The following COL24A1 variants were observed in gnomAD, a reference collection of about 807,000 sequenced individuals.
COL24A1 encodes collagen alpha-1(XXIV) chain.
In COL24A1, 224 loss-of-function variants were observed where a neutral mutation model predicts 253.9. The ratio of observed to expected loss-of-function variants is 0.88; its 90% CI spans 0.79 to 0.99. COL24A1 has a LOEUF of 0.99. Ranked by LOEUF, COL24A1 falls within the 50% of genes least tolerant of loss-of-function variation. The pLI is 0.00. For synonymous variants in COL24A1, 685 were observed against 673.7 expected (o/e 1.02, Z -0.26); for missense variants, 2,131 against 2,068.5 (o/e 1.03, Z -0.59).
intron 56 of COL24A1, among the ~76,000 whole-genome samples, chr1:85,745,168 C>G (rs1665074401): frequency 1.3e-5 from 2 of 152,012 alleles, no homozygotes; most frequent in South Asian, 4.1e-4. Context: ...TGGCTAACCT[C>G]ATTTAACTAC....
In COL24A1 at chr1:85,786,474, G is replaced by C; in HGVS notation, c.3952-13C>G. The stretch of plus-strand genomic sequence containing the variant: ...CGCCTCTGATGCCCTAAATAACACA[G>C]ATAAGAAATGAAAACTGGGAAAGTT... On this transcript the variant is annotated splice_polypyrimidine_tract_variant and intron_variant, in intron 47 of 59. Transcript: ENST00000370571. 2 of 1,599,612 alleles carry C rather than the reference G, an allele frequency of 1.3e-6. No individual in the cohort carries two copies. Among genetic ancestry groups the C allele is most frequent in the African/African-American group, 2.7e-5 (2 of 74,230 alleles).
At chr1:86,153,201 C>T (rs573282989) in intron 1 of COL24A1, among the ~76,000 whole-genome samples, 10 of 152,120 alleles carry the variant, frequency 6.6e-5, no homozygotes, top group African/African-American at 2.4e-4. Flanking sequence ...CAGTATTATC[C>T]TTTCCTCCCC....
At position 86,125,942 on chromosome 1, in the gene COL24A1, G is replaced by A. The variant is rs754211880; in HGVS notation, c.394C>T (p.Gln132Ter). 6 of 1,613,334 alleles carry A rather than the reference G, an allele frequency of 3.7e-6. No homozygotes were observed. Among genetic ancestry groups the A allele is most frequent in the Admixed American group, 1.7e-5 (1 of 59,824 alleles). The change falls in exon 3 of 60, where the codon CAA (glutamine) becomes TAA (stop). Residue 132 changes from glutamine (Q) to a stop codon, truncating the protein, a stop_gained. Coordinates refer to ENST00000370571, the MANE Select transcript of COL24A1 (RefSeq NM_152890.7). LOFTEE classifies it high-confidence loss of function. ...TTAGGTAGTAATTGTACTCCTAATT[G>A]CAGTCTATTTTTATTTCTAATGCTG... ...LFSIRNKNRL[Q>*]LGVQLLPKKL...
At chr1:85,942,193 G>A (rs1237437160) in intron 24 of COL24A1, among the ~76,000 whole-genome samples, 1 of 152,052 alleles carries the variant, frequency 6.6e-6, no homozygotes, top group Non-Finnish European at 1.5e-5. Context: ...ATGGTTTTTT[G>A]AAATACCATT....
intron 43 of COL24A1, among the ~76,000 whole-genome samples, chr1:85,824,539 T>A (rs1674008108): frequency 6.6e-6 from 1 of 152,116 alleles, no homozygotes; most frequent in African/African-American, 2.4e-5. Context: ...GGACGGTAGA[T>A]TTACTGGGCT....
chr1:86,097,112 A>G (rs1370011384), intron 5 of COL24A1, among the ~76,000 whole-genome samples: 1 of 151,924 alleles, frequency 6.6e-6, no homozygotes, highest in East Asian at 1.9e-4. Flanking sequence ...GATAATTTCC[A>G]TTACAGTAAA....
chr1:86,036,820 A>G (rs1390367784), intron 12 of COL24A1, among the ~76,000 whole-genome samples: 1 of 152,170 alleles, frequency 6.6e-6, no homozygotes, highest in Non-Finnish European at 1.5e-5. Flanking sequence ...GAAGAATGAA[A>G]TATTTTGTTA....
At chr1:86,027,901 C>T (rs963254795) in intron 14 of COL24A1, among the ~76,000 whole-genome samples, 4 of 152,128 alleles carry the variant, frequency 2.6e-5, no homozygotes, top group Admixed American at 2.6e-4. Flanking sequence ...GTGGTGCTGC[C>T]CAAGGCTGTG....
At chr1:85,821,214 C>T (rs1227335489) in intron 45 of COL24A1, among the ~76,000 whole-genome samples, 1 of 152,120 alleles carries the variant, frequency 6.6e-6, no homozygotes, top group Non-Finnish European at 1.5e-5. Flanking sequence ...TTGGTTTTGA[C>T]TTGCTCTAAA....
intron 47 of COL24A1, among the ~76,000 whole-genome samples, chr1:85,792,744 CA>C (rs890278166): frequency 6.6e-6 from 1 of 151,216 alleles, no homozygotes; most frequent in Non-Finnish European, 1.5e-5. Flanking sequence ...AAAAGAAAAA[CA>C]AAAAACGAAA....
intron 31 of COL24A1, among the ~76,000 whole-genome samples, chr1:85,892,498 A>T (rs1683234195): frequency 6.6e-6 from 1 of 152,090 alleles, no homozygotes. Context: ...GGAAAATGAC[A>T]CCATTTGGAA....
At chr1:85,915,638 A>C in intron 24 of COL24A1, among the ~76,000 whole-genome samples, 1 of 152,254 alleles carries the variant, frequency 6.6e-6, no homozygotes, top group Middle Eastern at 3.4e-3. Flanking sequence ...GACTAGTCAA[A>C]CTATTCGGAA....
At chr1:86,041,801 G>A (rs1699509809) in intron 12 of COL24A1, among the ~76,000 whole-genome samples, 2 of 152,140 alleles carry the variant, frequency 1.3e-5, no homozygotes, top group Non-Finnish European at 2.9e-5. Context: ...GTAGTTCTAT[G>A]GTGTTTAAAG....
rs1177240157 is a variant in COL24A1, at chr1:85,944,345, A to T, written c.2562+16904T>A. 2.6e-5 allele frequency among the ~76,000 whole-genome samples: 4 copies of T among 152,204 alleles called. No homozygotes were observed. The South Asian group carries it at 6.2e-4, about 24-fold the overall frequency. ...CTGTCACTAGAATATTTGAGTGTTT[A>T]TGCTTGCAAAAATATGTATGTTATC... is the stretch of plus-strand genomic sequence containing the variant. On this transcript the variant is annotated intron_variant, in intron 24 of 59. Coordinates refer to ENST00000370571, the MANE Select transcript of COL24A1 (RefSeq NM_152890.7).
chr1:86,027,530 A>G (rs112080236), intron 14 of COL24A1, among the ~76,000 whole-genome samples: 13,215 of 152,250 alleles, frequency 0.087, 704 homozygotes, highest in Middle Eastern at 0.19. Flanking sequence ...CTACTTACAC[A>G]TGGTGTTGAG....
At chr1:85,805,000 C>G (rs1221187855) in intron 47 of COL24A1, among the ~76,000 whole-genome samples, 1 of 152,050 alleles carries the variant, frequency 6.6e-6, no homozygotes, top group Admixed American at 6.5e-5. Flanking sequence ...GCTACAACAC[C>G]CAGACAATTT....
intron 22 of COL24A1, among the ~76,000 whole-genome samples, chr1:85,969,211 T>A (rs1691872191): frequency 6.6e-6 from 1 of 152,124 alleles, no homozygotes; most frequent in South Asian, 2.1e-4. Context: ...AAATGAAAAC[T>A]CTTTTTTTTC....
chr1:85,908,478 T>C, intron 27 of COL24A1, 120 bp downstream of exon 27: 1 of 536,868 alleles, frequency 1.9e-6, no homozygotes, highest in Admixed American at 3.9e-5. Flanking sequence ...AGAGAAGCAG[T>C]CTCCACTAGT....
At chr1:86,042,042 G>A (rs1478700588) in intron 12 of COL24A1, among the ~76,000 whole-genome samples, 1 of 152,040 alleles carries the variant, frequency 6.6e-6, no homozygotes, top group Non-Finnish European at 1.5e-5. Flanking sequence ...TGACATGTAG[G>A]GAGTGCAGGA....
Sources: gnomAD v4.1 joint callset for allele counts (sites outside exome capture counted in the v4.1 genomes callset) on GRCh38, gnomAD v4.1.1 for gene constraint, MANE v1.5 for transcripts, NCBI Gene and HGNC (gene_info 2026-07-23, HGNC 2026-07-21) for gene names.